PTPRT: variants seen among roughly 807,000 people sequenced by gnomAD.
PTPRT encodes the protein protein tyrosine phosphatase receptor type T.
A neutral mutation model predicts 176.8 loss-of-function variants in PTPRT; 56 were observed. The observed-to-expected ratio is 0.32, with a 90% CI of 0.26 to 0.40. The LOEUF is 0.40. Ranked by LOEUF, PTPRT falls within the 10% of genes least tolerant of loss-of-function variation. PTPRT has a pLI of 1.00. For missense variants in PTPRT, 1,540 were observed against 1,908.2 expected, an observed-to-expected ratio of 0.81 and a Z score of 3.60; for synonymous variants, 783 against 739.0, an observed-to-expected ratio of 1.06 and a Z score of -0.96.
chr20:42,527,185 T>C (rs1003225382), intron 7 of PTPRT, among the ~76,000 whole-genome samples: 2 of 151,750 alleles, frequency 1.3e-5, no homozygotes, highest in Non-Finnish European at 2.9e-5. Flanking sequence ...GGATGGTCTC[T>C]ATCTCCTGAC....
chr20:42,308,133 T>C (rs866294226), intron 12 of PTPRT, among the ~76,000 whole-genome samples: 8 of 148,694 alleles, frequency 5.4e-5, no homozygotes, highest in East Asian at 3.9e-4. Flanking sequence ...AATCCACCCC[T>C]TTTTTTTTAG....
At chr20:42,535,221 G>A (rs2145558073) in intron 7 of PTPRT, among the ~76,000 whole-genome samples, 1 of 152,276 alleles carries the variant, frequency 6.6e-6, no homozygotes, top group Admixed American at 6.5e-5. Flanking sequence ...AACCAACACA[G>A]GATAGAAAAC....
At chr20:43,161,369 T>C (rs1314976798) in intron 1 of PTPRT, among the ~76,000 whole-genome samples, 1 of 152,184 alleles carries the variant, frequency 6.6e-6, no homozygotes, top group African/African-American at 2.4e-5. Context: ...AGCTCTATGT[T>C]ACCCTGACAC....
intron 12 of PTPRT, among the ~76,000 whole-genome samples, chr20:42,311,110 C>T (rs558139292): frequency 4.6e-4 from 70 of 152,202 alleles, no homozygotes; most frequent in Non-Finnish European, 3.2e-4. Flanking sequence ...ATTCATTATT[C>T]GATACATTAT....
At chr20:42,819,496 G>A (rs1438373303) in intron 2 of PTPRT, among the ~76,000 whole-genome samples, 6 of 152,092 alleles carry the variant, frequency 3.9e-5, no homozygotes, top group African/African-American at 1.4e-4. Flanking sequence ...GCATCAACTA[G>A]TGTGCAAAAT....
At chr20:43,059,993 T>TAA (rs560671621) in intron 1 of PTPRT, among the ~76,000 whole-genome samples, 20 of 144,312 alleles carry the variant, frequency 1.4e-4, no homozygotes, top group South Asian at 4.4e-4. Flanking sequence ...AGACTTTGTC[T>TAA]AAAAAAAAAA....
At chr20:42,601,494 A>G (rs1601349798) in intron 7 of PTPRT, among the ~76,000 whole-genome samples, 1 of 152,198 alleles carries the variant, frequency 6.6e-6, no homozygotes, top group African/African-American at 2.4e-5. Context: ...CACAAGAAAC[A>G]TGAGGCTCAG....
At chr20:42,217,438 C>T (rs1430066985) in intron 15 of PTPRT, among the ~76,000 whole-genome samples, 4 of 150,234 alleles carry the variant, frequency 2.7e-5, no homozygotes, top group African/African-American at 9.8e-5. Flanking sequence ...ACATTACGTC[C>T]ATCCCCCACT....
intron 9 of PTPRT, among the ~76,000 whole-genome samples, chr20:42,379,023 C>A (rs995445316): frequency 6.6e-6 from 1 of 152,188 alleles, no homozygotes; most frequent in Non-Finnish European, 1.5e-5. Context: ...TTCTACCGTG[C>A]CCCCACAGCT....
rs537901765 is a variant in PTPRT at position 43,161,917 on chromosome 20, GAAC to G, written c.88+27726_88+27728del. Among the ~76,000 whole-genome samples, 22 of 152,290 alleles carry G rather than the reference GAAC, an allele frequency of 1.4e-4. No individual in the cohort carries two copies. The South Asian group carries it at 4.1e-3, about 29-fold the overall frequency. ...CATCACAATGACCTACTTGGGATTA[GAAC>G]AACATTTTAGAGCATAACAGCGTTT... On this transcript the variant is annotated intron_variant, in intron 1 of 30. Coordinates refer to ENST00000373187, the MANE Select transcript of PTPRT (RefSeq NM_007050.6).
At chr20:42,995,999 AT>A (rs200600735) in intron 1 of PTPRT, among the ~76,000 whole-genome samples, 4 of 151,378 alleles carry the variant, frequency 2.6e-5, no homozygotes, top group Non-Finnish European at 4.4e-5. Context: ...AATTTTTATT[AT>A]TTTTTTTGTT....
intron 7 of PTPRT, among the ~76,000 whole-genome samples, chr20:42,664,522 T>C (rs188711060): frequency 1.6e-3 from 243 of 152,362 alleles, no homozygotes; most frequent in African/African-American, 5.4e-3. Flanking sequence ...AAACTACCCA[T>C]AATTTAATTA....
intron 7 of PTPRT, among the ~76,000 whole-genome samples, chr20:42,539,047 T>C (rs1384309621): frequency 6.6e-6 from 1 of 152,206 alleles, no homozygotes; most frequent in Non-Finnish European, 1.5e-5. Flanking sequence ...GACCACCGTG[T>C]GTACACCTAC....
intron 16 of PTPRT, among the ~76,000 whole-genome samples, chr20:42,173,778 A>G (rs1033872549): frequency 6.6e-6 from 1 of 152,190 alleles, no homozygotes; most frequent in African/African-American, 2.4e-5. Flanking sequence ...ATAATTATGG[A>G]CTTTTTAAGT....
In PTPRT at chr20:42,276,287, A is replaced by G. The variant is rs555826645; in HGVS notation, c.2176+6202T>C. On this transcript the variant is annotated intron_variant, in intron 13 of 30. Coordinates refer to ENST00000373187, the MANE Select transcript of PTPRT (RefSeq NM_007050.6). ...GGTCAAGTACTGAAAAGTGAGGCCA[A>G]CATCACTCCTGTCCCCTCTGGGTTT... Among the ~76,000 whole-genome samples the G allele has an allele frequency of 2.6e-4, 39 of 151,576 alleles. No individual in the cohort carries two copies. The South Asian group carries it at 7.5e-3, about 29-fold the overall frequency.
intron 6 of PTPRT, among the ~76,000 whole-genome samples, chr20:42,740,433 C>T (rs951694974): frequency 5.9e-5 from 9 of 152,156 alleles, no homozygotes; most frequent in African/African-American, 2.2e-4. Flanking sequence ...AATGGCTCCT[C>T]ATCTCCATCC....
chr20:42,964,344 T>G (rs1445501821), intron 1 of PTPRT, among the ~76,000 whole-genome samples: 7 of 152,020 alleles, frequency 4.6e-5, no homozygotes, highest in African/African-American at 1.7e-4. Context: ...AGAAAAAAAA[T>G]GCAGATGTAC....
chr20:42,717,992 T>C (rs2076250935), intron 6 of PTPRT, among the ~76,000 whole-genome samples: 1 of 152,192 alleles, frequency 6.6e-6, no homozygotes, highest in Admixed American at 6.5e-5. Flanking sequence ...TGGCTAATAT[T>C]AAAACACAGA....
chr20:42,278,663 G>T (rs1309748322), intron 13 of PTPRT, among the ~76,000 whole-genome samples: 29 of 152,098 alleles, frequency 1.9e-4, no homozygotes, highest in Admixed American at 1.9e-3. Context: ...GAACAACTAG[G>T]TCAGAAACAA....
Sources: allele counts gnomAD v4.1 joint callset (sites outside exome capture counted in the v4.1 genomes callset), GRCh38; gene constraint gnomAD v4.1.1; transcripts MANE v1.5; gene names NCBI Gene and HGNC (gene_info 2026-07-23, HGNC 2026-07-21).